The following STON2 variants were observed in gnomAD, a reference collection of about 807,000 sequenced individuals.
STON2 encodes the protein stonin-2.
In STON2, 29 loss-of-function variants were observed where a neutral mutation model predicts 65.7. The observed-to-expected ratio is 0.44, with a 90% confidence interval of 0.33 to 0.60. STON2 has a LOEUF of 0.60. Among genes scored for constraint, STON2 ranks in the 20% least tolerant of loss-of-function variants. STON2 has a pLI of 0.03. For missense variants in STON2, 1,054 were observed against 1,118.1 expected (o/e 0.94, Z 0.82); for synonymous variants, 404 against 414.2 (o/e 0.98, Z 0.30).
upstream of STON2, among the ~76,000 whole-genome samples, chr14:81,403,204 A>G (rs1166927145): frequency 2.0e-5 from 3 of 152,148 alleles, no homozygotes; most frequent in African/African-American, 7.2e-5. Context: ...ATTAAATACT[A>G]TATTTGGGAT....
At chr14:81,409,084 C>G (rs1901020375) in intron 2 of STON2, among the ~76,000 whole-genome samples, 1 of 152,088 alleles carries the variant, frequency 6.6e-6, no homozygotes, top group African/African-American at 2.4e-5. Context: ...ATGCATTTTA[C>G]AATTCATCTA....
chr14:81,317,294 C>T (rs1024476794), intron 5 of STON2, among the ~76,000 whole-genome samples: 5 of 152,182 alleles, frequency 3.3e-5, no homozygotes, highest in Non-Finnish European at 7.3e-5. Flanking sequence ...GATCTGCCCC[C>T]AGGACCCAAA....
intron 2 of STON2, chr14:81,412,842 C>T: frequency 2.0e-6 from 1 of 490,446 alleles, no homozygotes; most frequent in South Asian, 3.1e-5. Flanking sequence ...AACTTTCTGT[C>T]AAACATTAAA....
At chr14:81,405,682 T>C (rs927502551) in intron 2 of STON2, among the ~76,000 whole-genome samples, 1 of 152,126 alleles carries the variant, frequency 6.6e-6, no homozygotes, top group Non-Finnish European at 1.5e-5. Flanking sequence ...TTTACTTCAT[T>C]GGATTAATTT....
At chr14:81,393,507 G>A (rs1034675013) in intron 3 of STON2, among the ~76,000 whole-genome samples, 1 of 152,170 alleles carries the variant, frequency 6.6e-6, no homozygotes, top group African/African-American at 2.4e-5. Flanking sequence ...AGCCTGGTGC[G>A]GAAGCTCTCC....
intron 2 of STON2, among the ~76,000 whole-genome samples, chr14:81,416,235 C>T (rs912358922): frequency 8.5e-5 from 13 of 152,172 alleles, no homozygotes; most frequent in Non-Finnish European, 1.2e-4. Context: ...TCAGTCAATG[C>T]TATCTATTAC....
chr14:81,267,587 T>G lies in STON2; in HGVS notation c.*827A>C. 1 of 985,368 alleles carries G rather than the reference T, an allele frequency of 1.0e-6. No individual in the cohort carries two copies. Among genetic ancestry groups the G allele is most frequent in the African/African-American group, 1.7e-5 (1 of 57,342 alleles). The allele number at this position is 985,368 out of a possible 1,614,324, so 61.0% of individuals were successfully genotyped here. The stretch of plus-strand genomic sequence containing the variant: ...TATTTTTCAGTGTGAATTTGGGAAT[T>G]CACTGAGATTGAATCTACCTCTTGA... On this transcript the variant is annotated 3_prime_UTR_variant, in exon 8 of 8. Transcript: ENST00000614646.
intron 4 of STON2, among the ~76,000 whole-genome samples, chr14:81,336,484 G>A (rs765402258): frequency 6.5e-4 from 99 of 152,148 alleles, no homozygotes; most frequent in Non-Finnish European, 3.2e-4. Context: ...CTAAGGGGAA[G>A]GTGGATTTGG....
At chr14:81,400,816 G>A (rs902996104), upstream of STON2, among the ~76,000 whole-genome samples, 5 of 152,220 alleles carry the variant, frequency 3.3e-5, no homozygotes, top group East Asian at 1.9e-4. Context: ...CTATACAGTC[G>A]TGGACTCATA....
chr14:81,396,341 ACT>A (rs371872157), intron 2 of STON2, among the ~76,000 whole-genome samples, 163 bp from the exon 3 acceptor site: 30 of 152,160 alleles, frequency 2.0e-4, no homozygotes, highest in African/African-American at 7.0e-4. Flanking sequence ...ATGTTAAATG[ACT>A]GTTTCCCTAA....
chr14:81,261,806 TG>T lies in STON2; in HGVS notation c.*6607del. On this transcript the variant is annotated 3_prime_UTR_variant, in exon 8 of 8. Transcript: ENST00000614646. ...CTCACACCATTGTTCTGATAGATGA[TG>T]CCAGTGGAACTTCCAAAGAAGCATT... is the stretch of plus-strand genomic sequence containing the variant. 1.3e-6 allele frequency: 2 copies of T among 1,529,354 alleles called. No homozygotes were observed. The highest frequency in any genetic ancestry group is 1.7e-6 in the Non-Finnish European group (2 of 1,145,344). 94.7% of individuals were successfully genotyped at this position (1,529,354 alleles called of 1,614,324 possible).
At position 81,371,198 on chromosome 14, in the gene STON2, C is replaced by A; in HGVS notation, c.374-13G>T. ...GTCAATGGTAGGGCTGGGGAGAGAC[C>A]AAAAACCAAAAGCATACAATATAAA... On this transcript the variant is annotated splice_polypyrimidine_tract_variant and intron_variant, in intron 3 of 7. Transcript: ENST00000614646. 1 of 1,610,526 alleles carries A rather than the reference C, an allele frequency of 6.2e-7. No individual in the cohort carries two copies. Among genetic ancestry groups the A allele is most frequent in the Non-Finnish European group, 8.5e-7 (1 of 1,177,992 alleles).
At chr14:81,422,859 C>T (rs1198996221) in intron 2 of STON2, among the ~76,000 whole-genome samples, 1 of 151,984 alleles carries the variant, frequency 6.6e-6, no homozygotes, top group Non-Finnish European at 1.5e-5. Flanking sequence ...TGGTGAAACC[C>T]CGTCTCTACT....
chr14:81,398,349 G>C lies in STON2; in HGVS notation c.34C>G (p.Gln12Glu), dbSNP rs372971302. The C allele has an allele frequency of 1.2e-6, 2 of 1,613,952 alleles. No individual in the cohort carries two copies. The highest frequency in any genetic ancestry group is 2.7e-5 in the African/African-American group (2 of 74,906). The change falls in exon 2 of 8, where the codon CAG (glutamine) becomes GAG (glutamate). Residue 12 changes from glutamine to glutamate, a missense_variant. Gln to Glu is a conservative substitution (Grantham distance 29). Coordinates refer to ENST00000614646, the MANE Select transcript of STON2 (RefSeq NM_001394390.1). ...TTLDHVIATH[Q>E]SEWVSFNEEP... ...TCATTGAAGGAGACCCATTCTGACT[G>C]GTGGGTGGCAATCACATGGTCCAAA...
chr14:81,408,163 A>G (rs1045412352), intron 2 of STON2, among the ~76,000 whole-genome samples: 24 of 143,198 alleles, frequency 1.7e-4, no homozygotes, highest in African/African-American at 4.9e-4. Flanking sequence ...ACACACGCGC[A>G]CACACACACA....
intron 5 of STON2, among the ~76,000 whole-genome samples, chr14:81,308,489 C>T (rs1446026888): frequency 6.6e-6 from 1 of 152,126 alleles, no homozygotes; most frequent in Admixed American, 6.6e-5. Flanking sequence ...CAGGCATGAG[C>T]CACCGTGCCC....
rs1894129672 is a variant in STON2 at position 81,261,236 on chromosome 14, A to T, written c.*7178T>A. 1 of 152,224 alleles carries T rather than the reference A, an allele frequency of 6.6e-6. No homozygotes were observed. The highest frequency in any genetic ancestry group is 1.9e-4 in the East Asian group (1 of 5,190). 9.4% of individuals were successfully genotyped at this position (152,224 alleles called of 1,614,324 possible). ...TGGTAGAATACCACTGGGGTTGCTG[A>T]TCCAAAGCACATGGAGGCGCAACAG... On this transcript the variant is annotated 3_prime_UTR_variant, in exon 8 of 8. Coordinates refer to ENST00000614646, the MANE Select transcript of STON2 (RefSeq NM_001394390.1).
intron 4 of STON2, among the ~76,000 whole-genome samples, chr14:81,350,767 C>A (rs1897994433): frequency 6.6e-6 from 1 of 152,138 alleles, no homozygotes; most frequent in Non-Finnish European, 1.5e-5. Context: ...TTTCCAGAGG[C>A]TTTGGGGTTA....
chr14:81,280,732 C>T (rs541940606), intron 5 of STON2, among the ~76,000 whole-genome samples: 8 of 152,236 alleles, frequency 5.3e-5, no homozygotes, highest in Non-Finnish European at 5.9e-5. Flanking sequence ...TAGGCTAGGC[C>T]GGGCACGGTG....
Sources: allele counts gnomAD v4.1 joint callset (sites outside exome capture counted in the v4.1 genomes callset), GRCh38; gene constraint gnomAD v4.1.1; transcripts MANE v1.5; gene names NCBI Gene and HGNC (gene_info 2026-07-23, HGNC 2026-07-21).